Variants in WBP2NL observed in about 807,000 individuals in gnomAD.
The protein encoded by WBP2NL is WBP2 N-terminal like.
WBP2NL carries 27 observed loss-of-function variants against 23.3 expected under a neutral mutation model. The ratio of observed to expected loss-of-function variants is 1.16; its 90% CI spans 0.85 to 1.60. The LOEUF is 1.60. Ranked by LOEUF, WBP2NL falls within the 40% of genes most tolerant of loss-of-function variation. The pLI, the probability that WBP2NL is intolerant of heterozygous loss-of-function variation, is 0.00. For missense variants in WBP2NL, 370 were observed against 389.5 expected (o/e 0.95, Z 0.42); for synonymous variants, 151 against 145.9 (o/e 1.03, Z -0.25).
Position 42,019,300 on chromosome 22 carries a change from A to G in WBP2NL, c.63-11A>G, listed in dbSNP as rs1471290515. ...CTTTATTGTGTGCCGTCTGTTCCTC[A>G]TTTTCTACAGTCTCTTGAAGCGGTC... On this transcript the variant is annotated splice_polypyrimidine_tract_variant and intron_variant, in intron 1 of 5. Transcript: ENST00000328823. The G allele has an allele frequency of 6.2e-7, 1 of 1,607,726 alleles. No homozygotes were observed. Among genetic ancestry groups the G allele is most frequent in the South Asian group, 1.1e-5 (1 of 89,874 alleles).
chr22:42,014,356 G>A (rs1161778743), intron 1 of WBP2NL, among the ~76,000 whole-genome samples: 1 of 152,150 alleles, frequency 6.6e-6, no homozygotes, highest in African/African-American at 2.4e-5. Flanking sequence ...GTCTTGGATA[G>A]GTGGGACTGT....
intron 8 of WBP2NL, among the ~76,000 whole-genome samples, chr22:42,049,156 AGAC>A (rs934134917): frequency 2.6e-5 from 4 of 152,230 alleles, no homozygotes; most frequent in Non-Finnish European, 5.9e-5. Flanking sequence ...GCAAAGCAGC[AGAC>A]AAGTAGATTA....
chr22:42,031,345 T>C (rs1602471861), downstream of WBP2NL: 1 of 152,240 alleles, frequency 6.6e-6, no homozygotes, highest in Non-Finnish European at 1.5e-5. Context: ...TTCTGCATGC[T>C]GAGAGCACTC....
chr22:42,019,711 T>C lies in WBP2NL; in HGVS notation c.221T>C (p.Met74Thr). Residue 74 changes from methionine (M) to threonine (T), a missense_variant, in exon 3 of 6, where the codon ATG (methionine) becomes ACG (threonine). Physicochemically the swap from Met to Thr is moderately conservative, Grantham distance 81 (BLOSUM62 -1). Coordinates refer to ENST00000328823, the MANE Select transcript of WBP2NL (RefSeq NM_152613.3). ...CSISDPMLSF[M>T]MPFDLMTNLT... ...ATCAGTGATCCCATGTTGTCTTTTA[T>C]GATGCCATTTGATCTGATGACGAAC... The C allele has an allele frequency of 6.2e-7, 1 of 1,614,242 alleles. No homozygotes were observed. The highest frequency in any genetic ancestry group is 1.1e-5 in the South Asian group (1 of 91,086).
intron 8 of WBP2NL, among the ~76,000 whole-genome samples, chr22:42,057,802 TA>T (rs1374789985): frequency 6.9e-6 from 1 of 144,080 alleles, no homozygotes; most frequent in Non-Finnish European, 1.5e-5. Flanking sequence ...TATGTTTTTT[TA>T]GATAGGAAAA....
At chr22:42,036,293 G>A (rs1925178877), downstream of WBP2NL, among the ~76,000 whole-genome samples, 1 of 152,038 alleles carries the variant, frequency 6.6e-6, no homozygotes. Flanking sequence ...TCCTGCCTCA[G>A]CCTCCCGAGC....
intron 8 of WBP2NL, among the ~76,000 whole-genome samples, chr22:42,043,527 A>ATG (rs1188248237): frequency 1.3e-5 from 2 of 151,974 alleles, no homozygotes; most frequent in Non-Finnish European, 2.9e-5. Flanking sequence ...AGTGGCAGTT[A>ATG]TGTGTGTGTG....
At chr22:42,011,995 T>C (rs1391256673) in intron 1 of WBP2NL, among the ~76,000 whole-genome samples, 1 of 151,792 alleles carries the variant, frequency 6.6e-6, no homozygotes, top group Non-Finnish European at 1.5e-5. Context: ...CAGGCTGGTC[T>C]CAAACTCCTG....
intron 1 of WBP2NL, among the ~76,000 whole-genome samples, chr22:42,002,321 G>A (rs1441352086): frequency 2.0e-5 from 3 of 152,164 alleles, no homozygotes; most frequent in African/African-American, 4.8e-5. Context: ...GGTGGCTCAC[G>A]CCTGTAATCC....
At chr22:42,006,749 A>T (rs1191925752) in intron 1 of WBP2NL, among the ~76,000 whole-genome samples, 1 of 152,146 alleles carries the variant, frequency 6.6e-6, no homozygotes, top group African/African-American at 2.4e-5. Context: ...AATTCCATGA[A>T]CTGTTCGGAG....
intron 8 of WBP2NL, among the ~76,000 whole-genome samples, chr22:42,057,248 G>T (rs1926073333): frequency 6.6e-6 from 1 of 152,014 alleles, no homozygotes; most frequent in Non-Finnish European, 1.5e-5. Context: ...TCTCAGAGAG[G>T]TTAATTTCAA....
At position 42,027,315 on chromosome 22, in the gene WBP2NL, A is replaced by T. The variant is rs549696398; in HGVS notation, c.*134A>T. The T allele has an allele frequency of 8.8e-7, 1 of 1,137,398 alleles. No homozygotes were observed. 70.5% of individuals were successfully genotyped at this position (1,137,398 alleles called of 1,614,324 possible). On this transcript the variant is annotated 3_prime_UTR_variant, in exon 6 of 6. Transcript: ENST00000328823. ...AGTTGTTCCACCCTTTGGAAGGGCA[A>T]TCTTATGGGGGAAGGTGAAACTTTA...
At position 42,026,890 on chromosome 22, in the gene WBP2NL, A is replaced by C; in HGVS notation, c.639A>C (p.Ser213=). The C allele has an allele frequency of 6.2e-7, 1 of 1,612,084 alleles. No individual in the cohort carries two copies. The highest frequency in any genetic ancestry group is 8.5e-7 in the Non-Finnish European group (1 of 1,179,512). The change falls in exon 6 of 6, where the codon TCA becomes TCC. Residue 213 remains serine (S), a synonymous_variant. Transcript: ENST00000328823. ...NEGPPVGYRA[S]PVRYGAPPLG... ...GCCCGCCTGTGGGATACAGAGCCTC[A>C]CCTGTGCGATATGGAGCCCCACCTC...
At chr22:42,003,237 C>G (rs1240799064) in intron 1 of WBP2NL, 4 of 151,450 alleles carry the variant, frequency 2.6e-5, no homozygotes, top group Non-Finnish European at 4.4e-5. Flanking sequence ...AGAAGAGATG[C>G]TATAGATGTT....
intron 8 of WBP2NL, among the ~76,000 whole-genome samples, chr22:42,045,148 T>C (rs1316990602): frequency 6.6e-6 from 1 of 152,108 alleles, no homozygotes; most frequent in Non-Finnish European, 1.5e-5. Flanking sequence ...AATAAAATTT[T>C]AAAACCTCGG....
intron 1 of WBP2NL, among the ~76,000 whole-genome samples, chr22:42,015,696 C>T (rs559468214): frequency 3.9e-5 from 6 of 152,238 alleles, no homozygotes; most frequent in East Asian, 1.9e-4. Context: ...GCCACCGCAC[C>T]GAGGCCTTTT....
downstream of WBP2NL, among the ~76,000 whole-genome samples, chr22:42,037,314 T>A (rs1346778726): frequency 6.6e-6 from 1 of 152,176 alleles, no homozygotes; most frequent in East Asian, 1.9e-4. Context: ...TGTGTCTGTT[T>A]TTATGCCAGC....
downstream of WBP2NL, among the ~76,000 whole-genome samples, chr22:42,028,742 T>C (rs1041218188): frequency 4.6e-5 from 7 of 152,350 alleles, no homozygotes; most frequent in African/African-American, 1.7e-4. Context: ...TTCCTGAAAA[T>C]TTCTGTATAT....
At position 41,998,829 on chromosome 22, in the gene WBP2NL, A is replaced by G; in HGVS notation, c.11A>G (p.Asn4Ser). Residue 4 changes from asparagine to serine, a missense_variant, in exon 1 of 6, where the codon AAT (asparagine) becomes AGT (serine). Physicochemically the swap from Asn to Ser is conservative, Grantham distance 46. Transcript: ENST00000328823. ...GAGGCCCGAAGCAAGATGGCGGTGA[A>G]TCAGAGCCACACCGAGAACCGCCGC... MAVNQSHTENRRGA... is the reference protein window; with the variant it reads MAVSQSHTENRRGA... 1.9e-6 allele frequency: 3 copies of G among 1,611,436 alleles called. No homozygotes were observed. Among genetic ancestry groups the G allele is most frequent in the Non-Finnish European group, 2.5e-6 (3 of 1,178,428 alleles).
Sources: allele counts gnomAD v4.1 joint callset (sites outside exome capture counted in the v4.1 genomes callset), GRCh38; gene constraint gnomAD v4.1.1; transcripts MANE v1.5; gene names NCBI Gene and HGNC (gene_info 2026-07-23, HGNC 2026-07-21).